The following EXOC4 variants were observed in gnomAD, a reference collection of about 807,000 sequenced individuals.
EXOC4 encodes the protein exocyst complex component 4.
In EXOC4, 71 loss-of-function variants were observed where a neutral mutation model predicts 107.2. The ratio of observed to expected loss-of-function variants is 0.66; its 90% CI spans 0.55 to 0.81. EXOC4 has a LOEUF of 0.81. Ranked by LOEUF, EXOC4 falls within the 30% of genes least tolerant of loss-of-function variation. The pLI is 0.00. For synonymous variants in EXOC4, 456 were observed against 441.2 expected (o/e 1.03, Z -0.42); for missense variants, 1,108 against 1,189.6 (o/e 0.93, Z 1.01).
intron 9 of EXOC4, among the ~76,000 whole-genome samples, chr7:133,598,986 A>G (rs919793653): frequency 2.6e-5 from 4 of 152,172 alleles, no homozygotes; most frequent in Admixed American, 1.3e-4. Flanking sequence ...TCCATCTCCA[A>G]TAACTAAATT....
intron 14 of EXOC4, among the ~76,000 whole-genome samples, chr7:133,957,173 A>T (rs774889064): frequency 1.3e-5 from 2 of 152,164 alleles, no homozygotes; most frequent in Non-Finnish European, 2.9e-5. Context: ...TTCATTAGAG[A>T]TTAATTTGTA....
At chr7:133,869,254 A>G (rs574835388) in intron 11 of EXOC4, among the ~76,000 whole-genome samples, 5 of 151,992 alleles carry the variant, frequency 3.3e-5, no homozygotes, top group East Asian at 3.9e-4. Flanking sequence ...TCTCATGCCA[A>G]TGCCTTGCCT....
intron 14 of EXOC4, among the ~76,000 whole-genome samples, chr7:133,948,406 G>A (rs1005922577): frequency 6.6e-6 from 1 of 152,192 alleles, no homozygotes; most frequent in Non-Finnish European, 1.5e-5. Flanking sequence ...TCCAAAAGAA[G>A]ATGGAGGGCT....
At chr7:133,852,089 G>C (rs1219902774) in intron 11 of EXOC4, among the ~76,000 whole-genome samples, 1 of 152,088 alleles carries the variant, frequency 6.6e-6, no homozygotes, top group East Asian at 1.9e-4. Context: ...TTATAATTTT[G>C]TTCTCAAGCC....
chr7:133,341,063 T>C (rs1795649930), intron 5 of EXOC4, among the ~76,000 whole-genome samples: 1 of 152,216 alleles, frequency 6.6e-6, no homozygotes, highest in African/African-American at 2.4e-5. Context: ...GGTTGTTTTC[T>C]GCAGCTGGGT....
In EXOC4 at chr7:133,557,281, C is replaced by A. The variant is rs189903514; in HGVS notation, c.1418-72764C>A. Among the ~76,000 whole-genome samples the A allele has an allele frequency of 9.2e-5, 14 of 151,666 alleles. No homozygotes were observed. In the East Asian group the frequency reaches 2.7e-3, roughly 30 times the overall value. Reference sequence around the variant, plus strand: ...CTTCCTACCTTCCCCTTCAAATAAACCAAACACAAAAGTCTTAGGTTGCAT... The same window carrying A: ...CTTCCTACCTTCCCCTTCAAATAAAACAAACACAAAAGTCTTAGGTTGCAT... On this transcript the variant is annotated intron_variant, in intron 9 of 17. Coordinates refer to ENST00000253861, the MANE Select transcript of EXOC4 (RefSeq NM_021807.4).
At chr7:133,619,984 CTGTGTGTGTGTGTG>C (rs34442997) in intron 9 of EXOC4, among the ~76,000 whole-genome samples, 201 of 149,570 alleles carry the variant, frequency 1.3e-3, no homozygotes, top group African/African-American at 4.8e-3. Flanking sequence ...TCCCTGTTTT[CTGTGTGTGTGTGTG>C]TGTGTGTGTG....
At chr7:133,457,686 A>T (rs924746833) in intron 7 of EXOC4, among the ~76,000 whole-genome samples, 7 of 152,230 alleles carry the variant, frequency 4.6e-5, no homozygotes, top group African/African-American at 1.7e-4. Flanking sequence ...GAAGGACTTC[A>T]CAATCTGGCA....
chr7:133,384,003 C>T (rs1796673348), intron 7 of EXOC4, among the ~76,000 whole-genome samples: 1 of 152,080 alleles, frequency 6.6e-6, no homozygotes, highest in African/African-American at 2.4e-5. Context: ...CTTCTAAATT[C>T]GAGTTTGTTT....
intron 11 of EXOC4, among the ~76,000 whole-genome samples, chr7:133,847,537 A>AT (rs34297470): frequency 0.11 from 13,495 of 127,060 alleles, 795 homozygotes; most frequent in Middle Eastern, 0.13. Context: ...TACACCAGCT[A>AT]TTTTTTTTTT....
chr7:133,779,133 C>G (rs982115432), intron 10 of EXOC4, among the ~76,000 whole-genome samples: 5 of 152,160 alleles, frequency 3.3e-5, no homozygotes, highest in Admixed American at 3.3e-4. Flanking sequence ...GCAAAATTAC[C>G]TTTGGAGTTT....
chr7:133,754,066 A>G (rs562795088), intron 10 of EXOC4, among the ~76,000 whole-genome samples: 1 of 152,342 alleles, frequency 6.6e-6, no homozygotes, highest in East Asian at 1.9e-4. Flanking sequence ...ACCAAAGGCA[A>G]CGAAAGTAGT....
chr7:133,857,098 A>ATATATATATATATGTGTATATATATATG (rs1798393319), intron 11 of EXOC4, among the ~76,000 whole-genome samples: 1 of 109,298 alleles, frequency 9.1e-6, no homozygotes, highest in Admixed American at 1.1e-4. Flanking sequence ...CTCCGTCTTT[A>ATATATATATATATGTGTATATATATATG]TATATATATA....
chr7:133,586,642 T>C (rs982667137), intron 9 of EXOC4, among the ~76,000 whole-genome samples: 8 of 152,186 alleles, frequency 5.3e-5, no homozygotes. Flanking sequence ...TACCCAATAA[T>C]GGGATTGCTG....
chr7:133,396,468 T>A (rs1250691648), intron 7 of EXOC4: 1 of 152,250 alleles, frequency 6.6e-6, no homozygotes, highest in Non-Finnish European at 1.5e-5. Flanking sequence ...TTTATTTTCT[T>A]AACTGCTGTA....
At chr7:134,012,981 G>C (rs1794806964) in intron 17 of EXOC4, among the ~76,000 whole-genome samples, 1 of 152,184 alleles carries the variant, frequency 6.6e-6, no homozygotes, top group Non-Finnish European at 1.5e-5. Context: ...TGGTGGGCTT[G>C]ACAAGAGGCC....
rs548346294 is a variant in EXOC4 at position 133,478,697 on chromosome 7, GGTTAATTAA to G, written c.1329-1350_1329-1342del. ...ACCCTCTTTAATTACCCTTAGCTAAGGTTAATTAAGTCTGTTTAAGTCCTGCCTTATTGT... is the reference window on the plus strand; with the variant it reads ...ACCCTCTTTAATTACCCTTAGCTAAGGTCTGTTTAAGTCCTGCCTTATTGT... On this transcript the variant is annotated intron_variant, in intron 8 of 17. Coordinates refer to ENST00000253861, the MANE Select transcript of EXOC4 (RefSeq NM_021807.4). 6.8e-4 allele frequency among the ~76,000 whole-genome samples: 103 copies of G among 152,216 alleles called. No individual in the cohort carries two copies. The East Asian group carries it at 0.019, about 28-fold the overall frequency.
chr7:133,464,450 G>GGAGTTAAAAAA (rs1798669242), intron 7 of EXOC4, among the ~76,000 whole-genome samples: 1 of 152,126 alleles, frequency 6.6e-6, no homozygotes, highest in Admixed American at 6.6e-5. Flanking sequence ...CTATTTTAAA[G>GGAGTTAAAAAA]GAGTTCTCCA....
chr7:133,853,364 ACACACACAC>A (rs2116272137), intron 11 of EXOC4, among the ~76,000 whole-genome samples: 1 of 114,976 alleles, frequency 8.7e-6, no homozygotes, highest in South Asian at 2.6e-4. Context: ...ACACACACAC[ACACACACAC>A]ACACACACAC....
Sources: gnomAD v4.1 joint callset for allele counts (sites outside exome capture counted in the v4.1 genomes callset) on GRCh38, gnomAD v4.1.1 for gene constraint, MANE v1.5 for transcripts, NCBI Gene and HGNC (gene_info 2026-07-23, HGNC 2026-07-21) for gene names.